COL5A1: variants seen among roughly 807,000 people sequenced by gnomAD.
COL5A1 encodes the protein collagen alpha-1(V) chain.
In COL5A1, 16 loss-of-function variants were observed where a neutral mutation model predicts 263.7. That is an observed-to-expected ratio of 0.06 (90% CI 0.04 to 0.09). The LOEUF is 0.09. Among genes scored for constraint, COL5A1 ranks in the 10% least tolerant of loss-of-function variants. The probability of loss-of-function intolerance (pLI) is 1.00; values close to 1 mark genes in which losing one functional copy is unlikely to be tolerated. For missense variants in COL5A1, 2,036 were observed against 2,540.5 expected, an observed-to-expected ratio of 0.80 and a Z score of 4.27; for synonymous variants, 1,012 against 1,004.5, an observed-to-expected ratio of 1.01 and a Z score of -0.14.
At chr9:134,729,561 T>TGC (rs35006266) in intron 6 of COL5A1, among the ~76,000 whole-genome samples, 3,031 of 70,468 alleles carry the variant, frequency 0.043, 221 homozygotes, top group East Asian at 0.16. Flanking sequence ...TGCATGAGCC[T>TGC]GTGTGTGTGA....
At chr9:134,773,676 C>G (rs894088551) in intron 26 of COL5A1, among the ~76,000 whole-genome samples, 2 of 152,162 alleles carry the variant, frequency 1.3e-5, no homozygotes, top group Non-Finnish European at 2.9e-5. Context: ...GGTCCCAGCT[C>G]CCCTTGCCAA....
At position 134,811,407 on chromosome 9, in the gene COL5A1, T is replaced by A. The variant is rs1387738259; in HGVS notation, c.3582+15T>A. On this transcript the variant is annotated intron_variant, in intron 45 of 65. Transcript: ENST00000371817. Reference sequence around the variant, plus strand: ...CAGGCCCCTCTGTGAGTATCCATGGTCAATGACCTTCGAAAAGCCCCACGC... The same window carrying A: ...CAGGCCCCTCTGTGAGTATCCATGGACAATGACCTTCGAAAAGCCCCACGC... The A allele has an allele frequency of 6.2e-7, 1 of 1,613,822 alleles. No individual in the cohort carries two copies. The highest frequency in any genetic ancestry group is 1.7e-5 in the Admixed American group (1 of 60,010).
intron 1 of COL5A1, among the ~76,000 whole-genome samples, chr9:134,664,998 A>C (rs1832313893): frequency 6.6e-6 from 1 of 152,218 alleles, no homozygotes; most frequent in Non-Finnish European, 1.5e-5. Context: ...CAGGAGTTCG[A>C]GACCAGCCTG....
In COL5A1 at chr9:134,760,984, G is replaced by A. The variant is rs1053097385; in HGVS notation, c.1936-941G>A. ...CACATACACACATGTATACCACCCC[G>A]ATACACACATACACGTGCACACCAG... On this transcript the variant is annotated intron_variant, in intron 18 of 65. Transcript: ENST00000371817. 7.9e-5 allele frequency among the ~76,000 whole-genome samples: 10 copies of A among 127,198 alleles called. 1 individual carries two copies. Among genetic ancestry groups the A allele is most frequent in the South Asian group, 5.0e-4 (2 of 3,978 alleles). 83.4% of individuals were successfully genotyped at this position (127,198 alleles called of 152,430 possible).
rs143359953 is a variant in COL5A1 at position 134,688,311 on chromosome 9, G to A, written c.110-2601G>A. ...GGTGTGAGTCCAGGAAGCCCCGGCCGGGATCCTTGCTCCCCTGCCCCGGCC... is the reference window on the plus strand; with the variant it reads ...GGTGTGAGTCCAGGAAGCCCCGGCCAGGATCCTTGCTCCCCTGCCCCGGCC... On this transcript the variant is annotated intron_variant, in intron 1 of 65. Transcript: ENST00000371817. Among the ~76,000 whole-genome samples the A allele has an allele frequency of 3.1e-3, 467 of 152,276 alleles. 3 individuals are homozygous for A. The highest frequency in any genetic ancestry group is 0.011 in the African/African-American group (439 of 41,548).
rs143191001 is a variant in COL5A1 at position 134,718,995 on chromosome 9, C to T, written c.655-8271C>T. On this transcript the variant is annotated intron_variant, in intron 4 of 65. Coordinates refer to ENST00000371817, the MANE Select transcript of COL5A1 (RefSeq NM_000093.5). Reference sequence around the variant, plus strand: ...CACCAGGGTCTTTCCCGAAGCATGCCGGGCACAGGCGGTGCACGCTGAGGA... The same window carrying T: ...CACCAGGGTCTTTCCCGAAGCATGCTGGGCACAGGCGGTGCACGCTGAGGA... Among the ~76,000 whole-genome samples the T allele has an allele frequency of 7.1e-3, 1,078 of 152,296 alleles. 11 individuals carry two copies. Among genetic ancestry groups the T allele is most frequent in the African/African-American group, 0.024 (1,003 of 41,558 alleles).
In COL5A1 at chr9:134,678,945, C is replaced by T. The variant is rs1239726780; in HGVS notation, c.110-11967C>T. On this transcript the variant is annotated intron_variant, in intron 1 of 65. Coordinates refer to ENST00000371817, the MANE Select transcript of COL5A1 (RefSeq NM_000093.5). This position sits in a 1 kb window ranked among gnomAD's most constrained non-coding sequence, Gnocchi z 5.5. ...ATCTGTGCAGGGTGAGGCTCCGAGG[C>T]TTGCTGGGTCAGTCCCATTCAGTGG... Among the ~76,000 whole-genome samples, 5 of 152,186 alleles carry T rather than the reference C, an allele frequency of 3.3e-5. No individual in the cohort carries two copies. The highest frequency in any genetic ancestry group is 1.9e-4 in the East Asian group (1 of 5,174).
chr9:134,768,565 T>C lies in COL5A1; in HGVS notation c.2286+102T>C, dbSNP rs145131338. 88 of 1,208,676 alleles carry C rather than the reference T, an allele frequency of 7.3e-5. No individual in the cohort carries two copies. The African/African-American group carries it at 1.3e-3, about 18-fold the overall frequency. 74.9% of individuals were successfully genotyped at this position (1,208,676 alleles called of 1,614,324 possible). A position where few individuals can be genotyped will look rare whatever the true frequency, so the allele number is the denominator to read the frequency against. ...CTTTGGGGTTGTTGTTGGACGGCAT[T>C]GACTCATTCTGGCTCTGTTGATGAA... On this transcript the variant is annotated intron_variant, in intron 25 of 65. Coordinates refer to ENST00000371817, the MANE Select transcript of COL5A1 (RefSeq NM_000093.5).
chr9:134,839,418 C>T (rs771032415), intron 65 of COL5A1, among the ~76,000 whole-genome samples: 8 of 152,348 alleles, frequency 5.3e-5, no homozygotes, highest in East Asian at 1.9e-4. Context: ...TGAAATCACC[C>T]GACAGCTCAG....
intron 44 of COL5A1, 23 bp downstream of exon 44, chr9:134,810,331 G>A (rs1199320476): frequency 8.7e-6 from 14 of 1,611,286 alleles, no homozygotes; most frequent in African/African-American, 2.7e-5. Context: ...ACGGGGGCGC[G>A]CGGCAGCCCC....
chr9:134,654,813 CG>C (rs1831882613), intron 1 of COL5A1, among the ~76,000 whole-genome samples: 1 of 87,880 alleles, frequency 1.1e-5, no homozygotes, highest in Admixed American at 1.5e-4. Context: ...GTGTTTAGGG[CG>C]GGGTTTGTAG....
chr9:134,769,078 G>A (rs1357747378), intron 25 of COL5A1, among the ~76,000 whole-genome samples: 3 of 152,222 alleles, frequency 2.0e-5, no homozygotes, highest in African/African-American at 7.2e-5. Flanking sequence ...CCCTCTGTAA[G>A]TGCCTGCTGT....
chr9:134,773,592 G>A (rs1188876106), intron 26 of COL5A1, among the ~76,000 whole-genome samples: 1 of 152,238 alleles, frequency 6.6e-6, no homozygotes, highest in African/African-American at 2.4e-5. Context: ...GTTGTCACAG[G>A]CTCTGGAATC....
Position 134,842,744 on chromosome 9 carries a change from A to G in COL5A1, c.*441A>G, listed in dbSNP as rs1365225572. ...GACCTTCAAAAAATGTTCCAAGGTA[A>G]GCCTCGTAAAGGTCATCCCACCATC... On this transcript the variant is annotated 3_prime_UTR_variant, in exon 66 of 66. Coordinates refer to ENST00000371817, the MANE Select transcript of COL5A1 (RefSeq NM_000093.5). The surrounding 1 kb of genome is among the most constrained non-coding windows in gnomAD (Gnocchi z 5.8). 1 of 227,008 alleles carries G rather than the reference A, an allele frequency of 4.4e-6. No individual in the cohort carries two copies. Among genetic ancestry groups the G allele is most frequent in the East Asian group, 1.1e-4 (1 of 9,104 alleles). 14.1% of individuals were successfully genotyped at this position (227,008 alleles called of 1,614,324 possible).
intron 57 of COL5A1, 78 bp from the exon 58 acceptor site, chr9:134,820,038 C>A: frequency 1.0e-6 from 1 of 1,000,936 alleles, no homozygotes; most frequent in Non-Finnish European, 1.6e-6. Context: ...GGCTGTGCTG[C>A]GTGCTAACTG....
Position 134,811,328 on chromosome 9 carries a change from G to C in COL5A1, c.3529-11G>C. On this transcript the variant is annotated splice_polypyrimidine_tract_variant and intron_variant, in intron 44 of 65. Coordinates refer to ENST00000371817, the MANE Select transcript of COL5A1 (RefSeq NM_000093.5). Reference sequence around the variant, plus strand: ...AAGAAGCTACCTATGTCTCTGTCTTGTTCCCCGCAGGGTCCTCCTGGGCCT... The same window carrying C: ...AAGAAGCTACCTATGTCTCTGTCTTCTTCCCCGCAGGGTCCTCCTGGGCCT... The C allele has an allele frequency of 6.2e-7, 1 of 1,613,870 alleles. No individual in the cohort carries two copies. The highest frequency in any genetic ancestry group is 8.5e-7 in the Non-Finnish European group (1 of 1,179,806).
chr9:134,671,316 G>C (rs1832533701), intron 1 of COL5A1, among the ~76,000 whole-genome samples: 1 of 152,194 alleles, frequency 6.6e-6, no homozygotes, highest in South Asian at 2.1e-4. Context: ...CCTGCCCCCA[G>C]TGCACCAATG....
rs370666409 is a variant in COL5A1 at position 134,822,718 on chromosome 9, G to GCCCCCCCC, written c.4609-279_4609-278insCCCCCCCC. Among the ~76,000 whole-genome samples, 289 of 143,016 alleles carry GCCCCCCCC rather than the reference G, an allele frequency of 2.0e-3. 32 individuals carry two copies. The highest frequency in any genetic ancestry group is 8.1e-3 in the African/African-American group (280 of 34,572). 93.8% of individuals were successfully genotyped at this position (143,016 alleles called of 152,430 possible). A position where few individuals can be genotyped will look rare whatever the true frequency, so the allele number is the denominator to read the frequency against. ...GAGCCAGGACATGCTCTTTTCCGCTGCGCCCCCCCCGCGGCTGTCTGAGCT... is the reference window on the plus strand; with the variant it reads ...GAGCCAGGACATGCTCTTTTCCGCTGCCCCCCCCCGCCCCCCCCGCGGCTGTCTGAGCT... On this transcript the variant is annotated intron_variant, in intron 59 of 65. Transcript: ENST00000371817.
Position 134,754,228 on chromosome 9 carries a change from G to A in COL5A1, c.1774-45G>A. On this transcript the variant is annotated intron_variant, in intron 15 of 65. Coordinates refer to ENST00000371817, the MANE Select transcript of COL5A1 (RefSeq NM_000093.5). This position sits in a 1 kb window ranked among gnomAD's most constrained non-coding sequence, Gnocchi z 4.3. ...GACAAGGCTTTGCTCTTTCTCCTGA[G>A]AAAGGCGGACTCGCCACTGACCCTT... 1.2e-6 allele frequency: 2 copies of A among 1,602,854 alleles called. No individual in the cohort carries two copies. The highest frequency in any genetic ancestry group is 1.7e-6 in the Non-Finnish European group (2 of 1,172,386).
Sources: gnomAD v4.1 joint callset for allele counts (sites outside exome capture counted in the v4.1 genomes callset) on GRCh38, gnomAD v4.1.1 for gene constraint, Gnocchi (gnomAD v3.1) non-coding constraint, MANE v1.5 for transcripts, NCBI Gene and HGNC (gene_info 2026-07-23, HGNC 2026-07-21) for gene names.